The following TMTC1 variants were observed in gnomAD, a reference collection of about 807,000 sequenced individuals.
TMTC1 encodes transmembrane O-mannosyltransferase targeting cadherins 1, also known as protein O-mannosyl-transferase TMTC1.
TMTC1 carries 73 observed loss-of-function variants against 104.8 expected under a neutral mutation model. The ratio of observed to expected loss-of-function variants is 0.70; its 90% CI spans 0.58 to 0.85. The LOEUF is 0.85. Ranked by LOEUF, TMTC1 falls within the 40% of genes least tolerant of loss-of-function variation. TMTC1 has a pLI of 0.00. For missense variants in TMTC1, 1,035 were observed against 1,096.1 expected, an observed-to-expected ratio of 0.94 and a Z score of 0.79; for synonymous variants, 434 against 428.7, an observed-to-expected ratio of 1.01 and a Z score of -0.15.
chr12:29,710,848 T>C (rs1468423960), intron 5 of TMTC1, among the ~76,000 whole-genome samples: 18 of 136,574 alleles, frequency 1.3e-4, no homozygotes, highest in South Asian at 8.6e-4. Context: ...ATATTAATAA[T>C]ATATAAATAT....
chr12:29,678,865 G>C (rs11836183), intron 5 of TMTC1, among the ~76,000 whole-genome samples: 11,980 of 151,866 alleles, frequency 0.079, 662 homozygotes, highest in South Asian at 0.17. Flanking sequence ...AAAAAATCAT[G>C]GACTTCCCAT....
chr12:29,663,982 T>G (rs1248046493), intron 5 of TMTC1, among the ~76,000 whole-genome samples: 6 of 151,722 alleles, frequency 4.0e-5, no homozygotes, highest in Admixed American at 6.6e-5. Flanking sequence ...GGTCAGGAGA[T>G]CGAGACCATC....
chr12:29,506,111 C>G lies in TMTC1; in HGVS notation c.*735G>C, dbSNP rs1045253720. On this transcript the variant is annotated 3_prime_UTR_variant, in exon 18 of 18. Transcript: ENST00000539277. ...TTGAAATCTTAGAGTAGAACCACCA[C>G]TCTAGTAATACTTGTAATAAAATTA... is the stretch of plus-strand genomic sequence containing the variant. 6.6e-6 allele frequency: 1 copy of G among 152,042 alleles called. No individual in the cohort carries two copies. The highest frequency in any genetic ancestry group is 2.4e-5 in the African/African-American group (1 of 41,380). The allele number at this position is 152,042 out of a possible 1,614,324, so 9.4% of individuals were successfully genotyped here.
chr12:29,580,160 T>TA (rs1176181556), intron 8 of TMTC1, among the ~76,000 whole-genome samples: 4 of 151,898 alleles, frequency 2.6e-5, no homozygotes, highest in South Asian at 4.2e-4. Flanking sequence ...CTACAAAACA[T>TA]AAAAAAATAT....
At chr12:29,561,617 TA>T (rs1474984403) in intron 9 of TMTC1, among the ~76,000 whole-genome samples, 2 of 152,236 alleles carry the variant, frequency 1.3e-5, no homozygotes, top group Non-Finnish European at 2.9e-5. Flanking sequence ...TCCATAGACA[TA>T]AGCTGTATGT....
At chr12:29,584,678 G>A (rs893992865) in intron 7 of TMTC1, among the ~76,000 whole-genome samples, 10 of 151,948 alleles carry the variant, frequency 6.6e-5, no homozygotes, top group Non-Finnish European at 1.5e-4. Context: ...CTATGAGTGA[G>A]AACATGCGGT....
intron 7 of TMTC1, among the ~76,000 whole-genome samples, chr12:29,589,507 C>T (rs1209898572): frequency 6.6e-6 from 1 of 152,210 alleles, no homozygotes; most frequent in Non-Finnish European, 1.5e-5. Flanking sequence ...CAGCTGATTC[C>T]TGTGTTCCTA....
At chr12:29,534,753 A>C (rs1441482669) in intron 11 of TMTC1, 1 of 152,244 alleles carries the variant, frequency 6.6e-6, no homozygotes, top group Non-Finnish European at 1.5e-5. Flanking sequence ...AAATGAGCTT[A>C]GATGAATAAA....
intron 6 of TMTC1, among the ~76,000 whole-genome samples, chr12:29,625,131 G>A (rs889679324): frequency 2.6e-5 from 4 of 152,216 alleles, no homozygotes; most frequent in Admixed American, 2.6e-4. Flanking sequence ...GGACCGACCT[G>A]TGCTTATTCT....
At chr12:29,669,600 G>C (rs1053046711) in intron 5 of TMTC1, among the ~76,000 whole-genome samples, 2 of 152,214 alleles carry the variant, frequency 1.3e-5, no homozygotes, top group African/African-American at 4.8e-5. Flanking sequence ...CAAGTAGATA[G>C]AGAGACCTTA....
intron 6 of TMTC1, among the ~76,000 whole-genome samples, chr12:29,614,378 T>C (rs1055830116): frequency 6.6e-6 from 1 of 152,240 alleles, no homozygotes; most frequent in East Asian, 1.9e-4. Context: ...TGGATCATTT[T>C]GTTTCCACAA....
chr12:29,622,076 T>A (rs1017526207), intron 6 of TMTC1, among the ~76,000 whole-genome samples: 1 of 152,132 alleles, frequency 6.6e-6, no homozygotes, highest in Non-Finnish European at 1.5e-5. Context: ...CCCATACCTA[T>A]GAGGTGAAGG....
chr12:29,768,107 C>T (rs760137610), intron 1 of TMTC1, 32 bp from the exon 2 acceptor site: 4 of 1,477,410 alleles, frequency 2.7e-6, no homozygotes, highest in Admixed American at 4.5e-5. Context: ...AAAAAAACTG[C>T]ATTAGCTACA....
At chr12:29,573,874 A>G (rs1394090240) in intron 8 of TMTC1, among the ~76,000 whole-genome samples, 1 of 152,114 alleles carries the variant, frequency 6.6e-6, no homozygotes, top group African/African-American at 2.4e-5. Flanking sequence ...AAAGTCTCCA[A>G]CAGAAAAGTG....
intron 2 of TMTC1, among the ~76,000 whole-genome samples, chr12:29,765,705 T>C (rs1226405487): frequency 1.3e-5 from 2 of 152,338 alleles, no homozygotes; most frequent in East Asian, 3.9e-4. Context: ...AATCTAGGTA[T>C]AACAGATTTA....
chr12:29,541,752 A>G (rs1475435822), intron 10 of TMTC1, among the ~76,000 whole-genome samples: 1 of 142,966 alleles, frequency 7.0e-6, no homozygotes, highest in Non-Finnish European at 1.5e-5. Context: ...TCCGCCTCCC[A>G]GGTTCAAGCA....
chr12:29,675,615 C>CAT (rs1565760060), intron 5 of TMTC1, among the ~76,000 whole-genome samples: 1 of 82,532 alleles, frequency 1.2e-5, no homozygotes, highest in African/African-American at 5.9e-5. Context: ...CACACACACA[C>CAT]ACACACACAC....
At chr12:29,697,333 T>G (rs1941454085) in intron 5 of TMTC1, among the ~76,000 whole-genome samples, 1 of 152,234 alleles carries the variant, frequency 6.6e-6, no homozygotes, top group Admixed American at 6.5e-5. Context: ...TACTCTAAGC[T>G]TCTTTCTTCA....
chr12:29,552,459 T>A (rs920138818), intron 10 of TMTC1, among the ~76,000 whole-genome samples: 8 of 152,176 alleles, frequency 5.3e-5, no homozygotes, highest in African/African-American at 1.9e-4. Context: ...AAAATGTAAA[T>A]TACATGTATG....
Sources: gnomAD v4.1 joint callset for allele counts (sites outside exome capture counted in the v4.1 genomes callset) on GRCh38, gnomAD v4.1.1 for gene constraint, MANE v1.5 for transcripts, NCBI Gene and HGNC (gene_info 2026-07-23, HGNC 2026-07-21) for gene names.